MACF1: variants seen among roughly 807,000 people sequenced by gnomAD.
MACF1 encodes the protein microtubule actin crosslinking factor 1.
Under a neutral mutation model 854.8 loss-of-function variants are expected in MACF1, and 193 were observed. The observed-to-expected ratio is 0.23, with a 90% CI of 0.20 to 0.25. The LOEUF (loss-of-function observed/expected upper bound fraction) is 0.25, where lower values mean the gene tolerates loss of function less well. Ranked by LOEUF, MACF1 falls within the 10% of genes least tolerant of loss-of-function variation. The pLI is 1.00. For synonymous variants in MACF1, 3,185 were observed against 3,226.7 expected, an observed-to-expected ratio of 0.99 and a Z score of 0.44; for missense variants, 7,722 against 8,929.1, an observed-to-expected ratio of 0.86 and a Z score of 5.45.
At chr1:39,208,572 A>T (rs1369472869) in intron 1 of MACF1, among the ~76,000 whole-genome samples, 1 of 151,646 alleles carries the variant, frequency 6.6e-6, no homozygotes, top group Non-Finnish European at 1.5e-5. Context: ...TCATGACTCA[A>T]CCTCCCGAGT....
At chr1:39,377,101 C>T (rs896644715) in intron 52 of MACF1, among the ~76,000 whole-genome samples, 1 of 152,188 alleles carries the variant, frequency 6.6e-6, no homozygotes, top group Admixed American at 6.5e-5. Flanking sequence ...ACCTCTGCCT[C>T]CCGGGTTCAA....
At chr1:39,384,594 G>T (rs1021142062) in intron 56 of MACF1, among the ~76,000 whole-genome samples, 1 of 151,998 alleles carries the variant, frequency 6.6e-6, no homozygotes, top group Non-Finnish European at 1.5e-5. Flanking sequence ...AGCAGCAAGG[G>T]ATATGAAAAG....
intron 2 of MACF1, among the ~76,000 whole-genome samples, chr1:39,115,693 G>A (rs2148149746): frequency 6.6e-6 from 1 of 152,272 alleles, no homozygotes; most frequent in South Asian, 2.1e-4. Flanking sequence ...CATAGGAGGG[G>A]AGAAGGAGCT....
chr1:39,127,384 A>G (rs180908814), intron 2 of MACF1, among the ~76,000 whole-genome samples: 2 of 152,268 alleles, frequency 1.3e-5, no homozygotes, highest in Non-Finnish European at 2.9e-5. Flanking sequence ...GCTTTCATTA[A>G]TTTCTTACTA....
At chr1:39,199,260 C>T (rs942812427) in intron 2 of MACF1, among the ~76,000 whole-genome samples, 29 of 151,832 alleles carry the variant, frequency 1.9e-4, no homozygotes, top group African/African-American at 6.7e-4. Context: ...GCTGGGATTA[C>T]AGGCGTGAGC....
chr1:39,437,531 T>G (rs1570077621), intron 70 of MACF1: 1 of 422,650 alleles, frequency 2.4e-6, no homozygotes, highest in Admixed American at 3.1e-5. Flanking sequence ...AGGCTGGTCT[T>G]GAACTCCTGA....
At position 39,335,091 on chromosome 1, in the gene MACF1, C is replaced by CATCAG; in HGVS notation, c.8504_8505insTCAGA (p.Gln2835HisfsTer12). 1 of 1,613,756 alleles carries CATCAG rather than the reference C, an allele frequency of 6.2e-7. No individual in the cohort carries two copies. The highest frequency in any genetic ancestry group is 8.5e-7 in the Non-Finnish European group (1 of 1,179,874). ...TAAAGTGAGAGTTTCTGATGGGGAG[C>CATCAG]AGGCAAAAAAGAGCAGGGAAATTTC... On this transcript the variant is annotated frameshift_variant, in exon 37 of 101. Coordinates refer to ENST00000564288, the MANE Select transcript of MACF1 (RefSeq NM_001394062.1). LOFTEE classifies it high-confidence loss of function.
chr1:39,400,370 T>C (rs1018411468), intron 58 of MACF1, among the ~76,000 whole-genome samples: 1 of 152,174 alleles, frequency 6.6e-6, no homozygotes, highest in African/African-American at 2.4e-5. Context: ...TTAAATGAAG[T>C]GATATATCTA....
chr1:39,424,205 AG>A lies in MACF1; in HGVS notation c.16316+13del. 6.2e-7 allele frequency: 1 copy of A among 1,609,442 alleles called. No homozygotes were observed. The highest frequency in any genetic ancestry group is 1.7e-5 in the Admixed American group (1 of 59,748). The stretch of plus-strand genomic sequence containing the variant: ...TAAGGCAGCAGCCAGGTAAGATCAA[AG>A]GAATTTTGAGGAGTGGGTCAGAGGT... On this transcript the variant is annotated intron_variant, in intron 61 of 100. Transcript: ENST00000564288.
At chr1:39,476,431 G>T (rs55855120) in intron 97 of MACF1, among the ~76,000 whole-genome samples, 5 of 152,008 alleles carry the variant, frequency 3.3e-5, no homozygotes, top group Admixed American at 2.6e-4. Flanking sequence ...TTAGCCAAGC[G>T]TGGTGGCCAC....
intron 2 of MACF1, among the ~76,000 whole-genome samples, chr1:39,087,537 T>G (rs1641703408): frequency 6.6e-6 from 1 of 152,252 alleles, no homozygotes; most frequent in African/African-American, 2.4e-5. Flanking sequence ...TTGTTTCTCC[T>G]TCTTCTTTGC....
chr1:39,186,218 G>GTA (rs1170175472), intron 2 of MACF1, among the ~76,000 whole-genome samples: 3,666 of 96,374 alleles, frequency 0.038, 219 homozygotes, highest in African/African-American at 0.17. Flanking sequence ...CTCTCTCTGT[G>GTA]TGTGTGTGTG....
intron 2 of MACF1, among the ~76,000 whole-genome samples, chr1:39,184,078 A>G (rs1026752236): frequency 1.3e-5 from 2 of 152,254 alleles, no homozygotes; most frequent in Non-Finnish European, 2.9e-5. Context: ...ATTGACCAGC[A>G]TAAATCACAG....
intron 6 of MACF1, among the ~76,000 whole-genome samples, chr1:39,277,153 GAA>G (rs35640640): frequency 0.59 from 84,200 of 143,512 alleles, 25,945 homozygotes; most frequent in South Asian, 0.74. Context: ...CAGAATGAAT[GAA>G]AAAAAAAAAA....
chr1:39,407,108 C>CT (rs1459582760), intron 58 of MACF1, among the ~76,000 whole-genome samples: 1 of 152,218 alleles, frequency 6.6e-6, no homozygotes, highest in African/African-American at 2.4e-5. Flanking sequence ...TCCCAAATCT[C>CT]TGCCAAGTGA....
chr1:39,233,790 T>A (rs1193556334), intron 2 of MACF1, among the ~76,000 whole-genome samples: 2 of 88,554 alleles, frequency 2.3e-5, no homozygotes, highest in African/African-American at 6.2e-5. Flanking sequence ...TTTTTTTTTT[T>A]TTTTTTTATT....
intron 2 of MACF1, among the ~76,000 whole-genome samples, chr1:39,155,269 A>G (rs534004069): frequency 4.7e-4 from 71 of 152,346 alleles, no homozygotes; most frequent in African/African-American, 1.4e-3. Flanking sequence ...TTATGAAACA[A>G]TTTTAATGGT....
chr1:39,216,073 G>A (rs1644574392), intron 1 of MACF1, among the ~76,000 whole-genome samples: 1 of 152,100 alleles, frequency 6.6e-6, no homozygotes, highest in Non-Finnish European at 1.5e-5. Context: ...TTGGCCGTAG[G>A]TTTCCTTGGT....
chr1:39,430,591 A>C (rs1643863257), intron 65 of MACF1, 111 bp from the exon 66 acceptor site: 5 of 765,606 alleles, frequency 6.5e-6, no homozygotes, highest in Non-Finnish European at 1.1e-5. Context: ...TGAAGGAAGG[A>C]GGTCAGAGTC....
Sources: allele counts gnomAD v4.1 joint callset (sites outside exome capture counted in the v4.1 genomes callset), GRCh38; gene constraint gnomAD v4.1.1; transcripts MANE v1.5; gene names NCBI Gene and HGNC (gene_info 2026-07-23, HGNC 2026-07-21).